MAPKBP1: variants seen among roughly 807,000 people sequenced by gnomAD.
The protein encoded by MAPKBP1 is mitogen-activated protein kinase-binding protein 1.
In MAPKBP1, 71 loss-of-function variants were observed where a neutral mutation model predicts 170.5. The ratio of observed to expected loss-of-function variants is 0.42; its 90% confidence interval spans 0.34 to 0.51. The LOEUF is 0.51. Among genes scored for constraint, MAPKBP1 ranks in the 20% least tolerant of loss-of-function variants. The pLI is 0.06. For missense variants in MAPKBP1, 1,598 were observed against 1,933.0 expected, an observed-to-expected ratio of 0.83 and a Z score of 3.25; for synonymous variants, 719 against 757.9, an observed-to-expected ratio of 0.95 and a Z score of 0.84.
chr15:41,808,515 G>A (rs921773692), intron 3 of MAPKBP1, among the ~76,000 whole-genome samples: 12 of 145,220 alleles, frequency 8.3e-5, no homozygotes, highest in African/African-American at 2.0e-4. Flanking sequence ...AGTTCTTGTC[G>A]CCCAGGCTGG....
In MAPKBP1 at chr15:41,821,679, T is replaced by C. The variant is rs1461951598; in HGVS notation, c.2814T>C (p.Asp938=). Residue 938 remains aspartate (D), a synonymous_variant, in exon 24 of 31, where the codon GAT becomes GAC. Coordinates refer to ENST00000457542, the MANE Select transcript of MAPKBP1 (RefSeq NM_014994.3). ...AAGAGGAAGGGGTCTTTGCCCAAGA[T>C]CTGGAACCTGCACCCATTGAAGATG... ...LSQEEGVFAQ[D]LEPAPIEDGI... is the part of the protein sequence containing the mutation. 6.2e-7 allele frequency: 1 copy of C among 1,614,152 alleles called. No homozygotes were observed. The highest frequency in any genetic ancestry group is 8.5e-7 in the Non-Finnish European group (1 of 1,180,028).
chr15:41,823,335 G>A, intron 28 of MAPKBP1, 112 bp from the exon 29 acceptor site: 1 of 1,545,256 alleles, frequency 6.5e-7, no homozygotes, highest in Non-Finnish European at 8.7e-7. Context: ...TGGCCACTAG[G>A]TGTCCCTTAA....
intron 2 of MAPKBP1, among the ~76,000 whole-genome samples, chr15:41,791,781 CCT>C (rs1567137883): frequency 6.6e-6 from 1 of 152,176 alleles, no homozygotes; most frequent in Admixed American, 6.6e-5. Context: ...TGGTTCTCCT[CCT>C]CTCTTTCTCA....
chr15:41,812,847 C>T, intron 7 of MAPKBP1, 72 bp from the exon 8 acceptor site: 1 of 1,516,820 alleles, frequency 6.6e-7, no homozygotes, highest in Non-Finnish European at 8.8e-7. Flanking sequence ...GTCCCCTGTA[C>T]TCTCCTAGGG....
chr15:41,802,500 G>A (rs935802601), intron 3 of MAPKBP1, among the ~76,000 whole-genome samples: 4 of 152,004 alleles, frequency 2.6e-5, no homozygotes, highest in Non-Finnish European at 5.9e-5. Flanking sequence ...CCGAGATGGA[G>A]TCTCCCTCTG....
chr15:41,819,555 G>GGGGGGGGGGGA (rs1555454090), intron 21 of MAPKBP1, 40 bp from the exon 22 acceptor site: 2 of 1,481,974 alleles, frequency 1.3e-6, no homozygotes, highest in Admixed American at 1.7e-5. Flanking sequence ...GGCGGGGGGG[G>GGGGGGGGGGGA]GGCAGGAGAC....
At position 41,819,203 on chromosome 15, in the gene MAPKBP1, A is replaced by G. The variant is rs201531951; in HGVS notation, c.2292-43A>G. 71 of 1,599,524 alleles carry G rather than the reference A, an allele frequency of 4.4e-5. 1 individual carries two copies. Among genetic ancestry groups the G allele is most frequent in the Admixed American group, 4.4e-4 (26 of 59,424 alleles). ...CCCCCACTGAGCCTCCTCTCCCCCTATTGAGTCTCCTCTCCCCATGCCCTT... is the reference window on the plus strand; with the variant it reads ...CCCCCACTGAGCCTCCTCTCCCCCTGTTGAGTCTCCTCTCCCCATGCCCTT... On this transcript the variant is annotated intron_variant, in intron 20 of 30. Transcript: ENST00000457542.
Position 41,822,741 on chromosome 15 carries a change from C to G in MAPKBP1, c.3314+64C>G, listed in dbSNP as rs1055155982. 4 of 1,577,606 alleles carry G rather than the reference C, an allele frequency of 2.5e-6. No homozygotes were observed. In the African/African-American group the frequency reaches 5.4e-5, roughly 21 times the overall value. On this transcript the variant is annotated intron_variant, in intron 27 of 30. Transcript: ENST00000457542. ...CTCCTCGCCTCCCAGGGCTGCTGCCCTCTCCTCTCCAGTGTTCTGTCTCTC... is the reference window on the plus strand; with the variant it reads ...CTCCTCGCCTCCCAGGGCTGCTGCCGTCTCCTCTCCAGTGTTCTGTCTCTC...
intron 2 of MAPKBP1, among the ~76,000 whole-genome samples, chr15:41,788,173 G>C (rs1413820613): frequency 6.6e-6 from 1 of 152,076 alleles, no homozygotes; most frequent in East Asian, 1.9e-4. Context: ...GGCCAGGCTT[G>C]TCTTGAACTT....
At chr15:41,803,636 G>A (rs1305170337) in intron 3 of MAPKBP1, among the ~76,000 whole-genome samples, 3 of 151,692 alleles carry the variant, frequency 2.0e-5, no homozygotes, top group African/African-American at 7.3e-5. Context: ...GATTGCTTGA[G>A]CCCAGGAGGT....
In MAPKBP1 at chr15:41,827,161, G is replaced by C. The variant is rs2065119203; in HGVS notation, c.*1725G>C. On this transcript the variant is annotated 3_prime_UTR_variant, in exon 31 of 31. Coordinates refer to ENST00000457542, the MANE Select transcript of MAPKBP1 (RefSeq NM_014994.3). ...ATAAAAAAATTAGCTGGGCGTGGTGGTGGGCGCCTGTAATCCCAGCTACTC... is the reference window on the plus strand; with the variant it reads ...ATAAAAAAATTAGCTGGGCGTGGTGCTGGGCGCCTGTAATCCCAGCTACTC... The C allele has an allele frequency of 6.6e-6, 1 of 150,450 alleles. No homozygotes were observed. Among genetic ancestry groups the C allele is most frequent in the African/African-American group, 2.4e-5 (1 of 41,018 alleles). The allele number at this position is 150,450 out of a possible 1,614,324, so 9.3% of individuals were successfully genotyped here.
intron 2 of MAPKBP1, among the ~76,000 whole-genome samples, chr15:41,780,078 C>T (rs1379527735): frequency 2.0e-5 from 3 of 152,232 alleles, no homozygotes; most frequent in Non-Finnish European, 2.9e-5. Context: ...CCAGCCTCTT[C>T]AGGCTGGGAG....
chr15:41,813,610 T>C lies in MAPKBP1; in HGVS notation c.820-11T>C, dbSNP rs1229537501. 1 of 1,612,886 alleles carries C rather than the reference T, an allele frequency of 6.2e-7. No individual in the cohort carries two copies. The highest frequency in any genetic ancestry group is 8.5e-7 in the Non-Finnish European group (1 of 1,179,562). ...AGGTGGCCTTGCTGAGCTGAGCCAC[T>C]CTGCCCACAGACCACAGTGGCCCAC... On this transcript the variant is annotated splice_polypyrimidine_tract_variant and intron_variant, in intron 8 of 30. Transcript: ENST00000457542.
intron 3 of MAPKBP1, among the ~76,000 whole-genome samples, chr15:41,808,667 G>A (rs902482684): frequency 6.6e-6 from 1 of 150,992 alleles, no homozygotes; most frequent in Non-Finnish European, 1.5e-5. Context: ...GTAGAGATGG[G>A]GTTTTACCAT....
intron 2 of MAPKBP1, among the ~76,000 whole-genome samples, chr15:41,780,583 C>T (rs780705767): frequency 6.6e-6 from 1 of 152,136 alleles, no homozygotes; most frequent in Non-Finnish European, 1.5e-5. Flanking sequence ...TTCATGTTCC[C>T]ACTGCTCCAG....
intron 2 of MAPKBP1, among the ~76,000 whole-genome samples, chr15:41,779,321 C>A (rs2064145444): frequency 6.6e-6 from 1 of 152,180 alleles, no homozygotes; most frequent in African/African-American, 2.4e-5. Flanking sequence ...AGCGATTCTC[C>A]TGCCTCAGCC....
intron 2 of MAPKBP1, among the ~76,000 whole-genome samples, chr15:41,776,233 C>T (rs1362999690): frequency 6.6e-6 from 1 of 152,144 alleles, no homozygotes; most frequent in Non-Finnish European, 1.5e-5. Flanking sequence ...CCTGTAAACC[C>T]AATAGGGTTG....
In MAPKBP1 at chr15:41,817,145, C is replaced by A; in HGVS notation, c.1711+110C>A. 6.8e-7 allele frequency: 1 copy of A among 1,480,466 alleles called. No homozygotes were observed. Among genetic ancestry groups the A allele is most frequent in the Non-Finnish European group, 9.0e-7 (1 of 1,105,068 alleles). The allele number at this position is 1,480,466 out of a possible 1,614,324, so 91.7% of individuals were successfully genotyped here. ...ATTGTGGGGGAGTGTTGGACAGCAG[C>A]TGGGAGGCCTGGAGCTGGTTGGGAA... On this transcript the variant is annotated intron_variant, in intron 14 of 30. Coordinates refer to ENST00000457542, the MANE Select transcript of MAPKBP1 (RefSeq NM_014994.3). This position sits in a 1 kb window ranked among gnomAD's most constrained non-coding sequence, Gnocchi z 4.2.
chr15:41,807,540 C>A (rs977320226), intron 3 of MAPKBP1, among the ~76,000 whole-genome samples: 8 of 152,152 alleles, frequency 5.3e-5, no homozygotes, highest in African/African-American at 1.9e-4. Context: ...TGTAACTAAT[C>A]AGAAGGCTAG....
Sources: allele counts gnomAD v4.1 joint callset (sites outside exome capture counted in the v4.1 genomes callset), GRCh38; gene constraint gnomAD v4.1.1; non-coding constraint Gnocchi (gnomAD v3.1); transcripts MANE v1.5; gene names NCBI Gene and HGNC (gene_info 2026-07-23, HGNC 2026-07-21).